CMTM4: variants seen among roughly 807,000 people sequenced by gnomAD.
CMTM4 encodes the protein CKLF like MARVEL transmembrane domain containing 4.
CMTM4 carries 8 observed loss-of-function variants against 19.0 expected under a neutral mutation model. The observed-to-expected ratio is 0.42, with a 90% confidence interval of 0.25 to 0.76. CMTM4 has a LOEUF of 0.76. Among genes scored for constraint, CMTM4 ranks in the 30% least tolerant of loss-of-function variants. CMTM4 has a pLI of 0.27. For missense variants in CMTM4, 228 were observed against 290.2 expected, an observed-to-expected ratio of 0.79 and a Z score of 1.56; for synonymous variants, 106 against 121.1, an observed-to-expected ratio of 0.88 and a Z score of 0.82.
At chr16:66,684,211 C>T (rs1339829377) in intron 1 of CMTM4, among the ~76,000 whole-genome samples, 1 of 152,040 alleles carries the variant, frequency 6.6e-6, no homozygotes, top group African/African-American at 2.4e-5. Flanking sequence ...CTCCCTCTGT[C>T]GCCCAGGCTG....
At chr16:66,611,108 C>A (rs569270638), downstream of CMTM4, 2 of 383,930 alleles carry the variant, frequency 5.2e-6, no homozygotes, top group African/African-American at 2.1e-5. Context: ...GAGAGTTTCA[C>A]ATATGTAACA....
At position 66,620,056 on chromosome 16, in the gene CMTM4, C is replaced by G; in HGVS notation, c.*2002G>C. 1.0e-6 allele frequency: 1 copy of G among 985,404 alleles called. No homozygotes were observed. Among genetic ancestry groups the G allele is most frequent in the Non-Finnish European group, 1.2e-6 (1 of 829,920 alleles). 61.0% of individuals were successfully genotyped at this position (985,404 alleles called of 1,614,324 possible). A position where few individuals can be genotyped will look rare whatever the true frequency, so the allele number is the denominator to read the frequency against. ...GAGCTGGGAAAACTTGGGCAACAAG[C>G]CCACCTGAATGGTGTTCTTGTTTTC... is the stretch of plus-strand genomic sequence containing the variant. On this transcript the variant is annotated 3_prime_UTR_variant, in exon 4 of 4. Transcript: ENST00000394106.
At chr16:66,637,452 G>A (rs2016016078) in intron 1 of CMTM4, among the ~76,000 whole-genome samples, 2 of 152,138 alleles carry the variant, frequency 1.3e-5, no homozygotes, top group Non-Finnish European at 2.9e-5. Flanking sequence ...GCTGAGGCAG[G>A]AGAATCGCAT....
At chr16:66,692,067 T>C (rs1006642695) in intron 1 of CMTM4, among the ~76,000 whole-genome samples, 6 of 151,972 alleles carry the variant, frequency 3.9e-5, no homozygotes, top group African/African-American at 1.4e-4. Flanking sequence ...TATCGAAAGC[T>C]GGTTGCTAGC....
rs2144770340 is a variant in CMTM4, at chr16:66,617,133, T to C, written c.*4925A>G. 9.5e-6 allele frequency: 7 copies of C among 738,490 alleles called. No individual in the cohort carries two copies. The highest frequency in any genetic ancestry group is 1.3e-5 in the Non-Finnish European group (6 of 459,270). The allele number at this position is 738,490 out of a possible 1,614,324, so 45.7% of individuals were successfully genotyped here. A position where few individuals can be genotyped will look rare whatever the true frequency, so the allele number is the denominator to read the frequency against. The stretch of plus-strand genomic sequence containing the variant: ...AAGGCTCCCTGGCCTTTGTGTATTA[T>C]GCATCCCAAAGAAAACACGCCACCC... On this transcript the variant is annotated 3_prime_UTR_variant, in exon 4 of 4. Transcript: ENST00000394106.
chr16:66,626,930 T>C (rs1188812076), intron 2 of CMTM4, among the ~76,000 whole-genome samples: 1 of 151,576 alleles, frequency 6.6e-6, no homozygotes, highest in East Asian at 2.0e-4. Context: ...CAAAACCCTG[T>C]CTCTACAAAA....
intron 1 of CMTM4, among the ~76,000 whole-genome samples, chr16:66,666,578 A>G (rs1596947179): frequency 6.6e-6 from 1 of 152,372 alleles, no homozygotes; most frequent in East Asian, 1.9e-4. Flanking sequence ...CAATAGTAAG[A>G]AAACAAACTG....
chr16:66,603,938 AG>A, the CMTM4 span: 3 of 152,450 alleles, frequency 2.0e-5, no homozygotes, highest in Admixed American at 1.3e-4. Context: ...GAAGGAAAGG[AG>A]GGGGCAGTGC....
At chr16:66,606,377 C>G in the CMTM4 span, among the ~76,000 whole-genome samples, 1 of 152,138 alleles carries the variant, frequency 6.6e-6, no homozygotes, top group South Asian at 2.1e-4. Flanking sequence ...AGAGCTGGGT[C>G]AGTCCCATGG....
intron 1 of CMTM4, among the ~76,000 whole-genome samples, chr16:66,648,889 T>A (rs1384587794): frequency 1.3e-5 from 2 of 152,006 alleles, no homozygotes; most frequent in Non-Finnish European, 2.9e-5. Context: ...GGAGAATCGC[T>A]TGAACCCAAA....
chr16:66,661,787 GC>G (rs1439032223), intron 1 of CMTM4, among the ~76,000 whole-genome samples: 1 of 152,032 alleles, frequency 6.6e-6, no homozygotes, highest in Non-Finnish European at 1.5e-5. Context: ...AAAAAAATTA[GC>G]CGGGCATAGT....
At chr16:66,675,087 A>ATT (rs1002061968) in intron 1 of CMTM4, among the ~76,000 whole-genome samples, 1 of 137,430 alleles carries the variant, frequency 7.3e-6, no homozygotes, top group African/African-American at 2.7e-5. Context: ...TTTTTTTTTA[A>ATT]TTTTTTTTTT....
In CMTM4 at chr16:66,618,800, T is replaced by C. The variant is rs2015573524; in HGVS notation, c.*3258A>G. 1 of 985,276 alleles carries C rather than the reference T, an allele frequency of 1.0e-6. No individual in the cohort carries two copies. Among genetic ancestry groups the C allele is most frequent in the Admixed American group, 6.1e-5 (1 of 16,262 alleles). The allele number at this position is 985,276 out of a possible 1,614,324, so 61.0% of individuals were successfully genotyped here. ...TGTCCCAGAAGCACCCGACATAGGG[T>C]GGAGGTCAGACACATTCCCTGGCTG... On this transcript the variant is annotated 3_prime_UTR_variant, in exon 4 of 4. Transcript: ENST00000394106.
chr16:66,694,879 T>C (rs1018567094), intron 1 of CMTM4, among the ~76,000 whole-genome samples: 1 of 152,188 alleles, frequency 6.6e-6, no homozygotes, highest in Non-Finnish European at 1.5e-5. Context: ...GATCCATTTT[T>C]CTTTCCATAA....
At chr16:66,632,801 C>G (rs1480528296) in intron 2 of CMTM4, among the ~76,000 whole-genome samples, 2 of 151,994 alleles carry the variant, frequency 1.3e-5, no homozygotes, top group Non-Finnish European at 2.9e-5. Context: ...AAACAAATAT[C>G]GCCAGGCACG....
chr16:66,652,404 T>C (rs549944112), intron 1 of CMTM4, among the ~76,000 whole-genome samples: 33 of 152,284 alleles, frequency 2.2e-4, no homozygotes, highest in Middle Eastern at 3.4e-3. Flanking sequence ...GAAAGCTTGG[T>C]TGGGTCTGGG....
At chr16:66,599,346 A>C in the CMTM4 span, among the ~76,000 whole-genome samples, 1 of 152,274 alleles carries the variant, frequency 6.6e-6, no homozygotes, top group South Asian at 2.1e-4. Context: ...CCAAAAGTTC[A>C]TGGAAATTGA....
rs1555502520 is a variant in CMTM4 at position 66,683,181 on chromosome 16, G to GTATATATATATATACATATA, written c.186+13158_186+13159insTATATGTATATATATATATA. Reference sequence around the variant, plus strand: ...TATACGTATATATATATATACATATGTATATATATATACATATATATATAT... The same window carrying GTATATATATATATACATATA: ...TATACGTATATATATATATACATATGTATATATATATATACATATATATATATATATACATATATATATAT... On this transcript the variant is annotated intron_variant, in intron 1 of 3. Transcript: ENST00000394106. 1.9e-4 allele frequency among the ~76,000 whole-genome samples: 24 copies of GTATATATATATATACATATA among 124,412 alleles called. 1 individual carries two copies. Among genetic ancestry groups the GTATATATATATATACATATA allele is most frequent in the South Asian group, 8.1e-4 (3 of 3,716 alleles). The allele number at this position is 124,412 out of a possible 152,430, so 81.6% of individuals were successfully genotyped here.
intron 1 of CMTM4, among the ~76,000 whole-genome samples, chr16:66,649,889 CCAGA>C (rs111254095): frequency 0.043 from 6,557 of 152,270 alleles, 263 homozygotes; most frequent in East Asian, 0.16. Context: ...CAGGGTGAGG[CCAGA>C]CAACTTCTCC....
Sources: gnomAD v4.1 joint callset for allele counts (sites outside exome capture counted in the v4.1 genomes callset) on GRCh38, gnomAD v4.1.1 for gene constraint, MANE v1.5 for transcripts, NCBI Gene and HGNC (gene_info 2026-07-23, HGNC 2026-07-21) for gene names.